The following CACHD1 variants were observed in gnomAD, a reference collection of about 807,000 sequenced individuals.
CACHD1 encodes VWFA and cache domain-containing protein 1.
A neutral mutation model predicts 138.7 loss-of-function variants in CACHD1; 71 were observed. That is an observed-to-expected ratio of 0.51 (90% CI 0.42 to 0.62). The LOEUF (loss-of-function observed/expected upper bound fraction) is 0.62. Ranked by LOEUF, CACHD1 falls within the 20% of genes least tolerant of loss-of-function variation. CACHD1 has a pLI of 0.00. For synonymous variants in CACHD1, 578 were observed against 591.5 expected, an observed-to-expected ratio of 0.98 and a Z score of 0.33; for missense variants, 1,389 against 1,625.3, an observed-to-expected ratio of 0.85 and a Z score of 2.50.
intron 1 of CACHD1, among the ~76,000 whole-genome samples, chr1:64,516,351 CAT>C (rs1646459273): frequency 6.6e-6 from 1 of 152,144 alleles, no homozygotes; most frequent in Non-Finnish European, 1.5e-5. Context: ...TAGCATTTCT[CAT>C]GTGGTTCTAG....
intron 2 of CACHD1, among the ~76,000 whole-genome samples, chr1:64,579,214 T>G (rs1646992622): frequency 6.6e-6 from 1 of 152,212 alleles, no homozygotes; most frequent in Non-Finnish European, 1.5e-5. Context: ...ATTAAAAATA[T>G]TCTCCTTTAA....
intron 1 of CACHD1, among the ~76,000 whole-genome samples, chr1:64,477,634 A>ATTTATTTTTTTTTTTATTTTTTAT (rs1553125598): frequency 7.6e-6 from 1 of 131,832 alleles, no homozygotes; most frequent in African/African-American, 3.0e-5. Context: ...ATTTTATTTT[A>ATTTATTTTTTTTTTTATTTTTTAT]TTTTTTTTTT....
At chr1:64,682,440 T>C (rs1024680045) in intron 26 of CACHD1, among the ~76,000 whole-genome samples, 1 of 152,168 alleles carries the variant, frequency 6.6e-6, no homozygotes, top group African/African-American at 2.4e-5. Flanking sequence ...TTTTCAGTCA[T>C]GTCCCCTTGG....
intron 2 of CACHD1, among the ~76,000 whole-genome samples, chr1:64,566,558 C>T (rs766490617): frequency 1.3e-5 from 2 of 150,346 alleles, no homozygotes; most frequent in African/African-American, 2.4e-5. Context: ...GTCCTCCTCA[C>T]TCCTTCCCCT....
At chr1:64,581,511 A>T (rs931277852) in intron 2 of CACHD1, among the ~76,000 whole-genome samples, 4 of 152,242 alleles carry the variant, frequency 2.6e-5, no homozygotes, top group African/African-American at 9.6e-5. Flanking sequence ...AAAGTAAATC[A>T]TGATGAAGTG....
intron 1 of CACHD1, among the ~76,000 whole-genome samples, chr1:64,500,717 T>TAAAAAAAAAAAAAAAAAAAAAA (rs72436564): frequency 5.9e-5 from 2 of 33,926 alleles, no homozygotes; most frequent in African/African-American, 1.1e-4. Context: ...CCTTGTCTCT[T>TAAAAAAAAAAAAAAAAAAAAAA]AAAAAAAAAA....
At chr1:64,552,630 TG>T (rs1646767997) in intron 2 of CACHD1, among the ~76,000 whole-genome samples, 1 of 152,044 alleles carries the variant, frequency 6.6e-6, no homozygotes, top group South Asian at 2.1e-4. Flanking sequence ...CATGCCCACA[TG>T]CCCGGCTGAT....
At chr1:64,552,904 A>G (rs1432634972) in intron 2 of CACHD1, among the ~76,000 whole-genome samples, 1 of 152,190 alleles carries the variant, frequency 6.6e-6, no homozygotes, top group Non-Finnish European at 1.5e-5. Context: ...CGTACAATCT[A>G]TTCTGTGTGT....
At chr1:64,485,285 T>C (rs1287177395) in intron 1 of CACHD1, among the ~76,000 whole-genome samples, 1 of 152,170 alleles carries the variant, frequency 6.6e-6, no homozygotes, top group Non-Finnish European at 1.5e-5. Context: ...CCCCCCAAAA[T>C]TATCTGATGC....
chr1:64,647,922 G>C lies in CACHD1; in HGVS notation c.1278G>C (p.Leu426=), dbSNP rs138196118. The change falls in exon 9 of 27, where the codon CTG becomes CTC. Residue 426 remains leucine (L), a synonymous_variant. Coordinates refer to ENST00000651257, the MANE Select transcript of CACHD1 (RefSeq NM_020925.4). ...LPVIKGSMMV[L]NQLSNLETTV... ...TGATTAAGGGCAGCATGATGGTGCT[G>C]AATCAGTTGAGCAACCTGGAGACCA... 1.2e-6 allele frequency: 2 copies of C among 1,613,996 alleles called. No homozygotes were observed. The highest frequency in any genetic ancestry group is 1.7e-6 in the Non-Finnish European group (2 of 1,179,998).
intron 19 of CACHD1, among the ~76,000 whole-genome samples, chr1:64,674,126 T>A (rs1445277514): frequency 6.6e-6 from 1 of 152,214 alleles, no homozygotes; most frequent in Non-Finnish European, 1.5e-5. Flanking sequence ...TCATTAAGTA[T>A]GTAATTAATT....
chr1:64,606,611 G>A (rs1647349610), intron 4 of CACHD1, among the ~76,000 whole-genome samples: 1 of 152,198 alleles, frequency 6.6e-6, no homozygotes, highest in Non-Finnish European at 1.5e-5. Flanking sequence ...TTTGACTTCG[G>A]TTAAAAGGTT....
intron 1 of CACHD1, among the ~76,000 whole-genome samples, chr1:64,486,524 TTTA>T (rs1354008145): frequency 1.3e-5 from 2 of 152,214 alleles, no homozygotes; most frequent in African/African-American, 4.8e-5. Context: ...GAAATTTGCT[TTTA>T]TTATTTAAAT....
At chr1:64,637,202 A>G (rs1189637661) in intron 7 of CACHD1, among the ~76,000 whole-genome samples, 2 of 152,212 alleles carry the variant, frequency 1.3e-5, no homozygotes, top group Non-Finnish European at 2.9e-5. Flanking sequence ...ATACTTTTCA[A>G]ATAATGGAGA....
At chr1:64,574,786 A>G (rs1646954295) in intron 2 of CACHD1, among the ~76,000 whole-genome samples, 1 of 152,178 alleles carries the variant, frequency 6.6e-6, no homozygotes. Flanking sequence ...AATTAAGTTG[A>G]GGCTTAGAAA....
intron 15 of CACHD1, among the ~76,000 whole-genome samples, chr1:64,665,412 A>T (rs554887870): frequency 1.6e-4 from 25 of 152,224 alleles, no homozygotes; most frequent in Admixed American, 1.2e-3. Flanking sequence ...GTGAGCCAAG[A>T]TCACACCACT....
At chr1:64,623,199 C>G (rs12562719) in intron 4 of CACHD1, among the ~76,000 whole-genome samples, 12,816 of 152,054 alleles carry the variant, frequency 0.084, 713 homozygotes, top group Admixed American at 0.16. Flanking sequence ...GTCAGGAGTT[C>G]AAGACCAGCC....
intron 4 of CACHD1, among the ~76,000 whole-genome samples, chr1:64,609,525 C>A (rs558123702): frequency 3.3e-5 from 5 of 152,106 alleles, no homozygotes; most frequent in Admixed American, 3.3e-4. Context: ...CTTTCTTTAC[C>A]TGCTTCCCCC....
chr1:64,577,377 T>C (rs1455484176), intron 2 of CACHD1, among the ~76,000 whole-genome samples: 1 of 152,226 alleles, frequency 6.6e-6, no homozygotes, highest in Non-Finnish European at 1.5e-5. Flanking sequence ...TATAAAGTAA[T>C]GAGACTGTGC....
Sources: allele counts gnomAD v4.1 joint callset (sites outside exome capture counted in the v4.1 genomes callset), GRCh38; gene constraint gnomAD v4.1.1; transcripts MANE v1.5; gene names NCBI Gene and HGNC (gene_info 2026-07-23, HGNC 2026-07-21).